VCPIP1: variants seen among roughly 807,000 people sequenced by gnomAD.
VCPIP1 encodes deubiquitinating protein VCPIP1.
In VCPIP1, 8 loss-of-function variants were observed where a neutral mutation model predicts 85.0. That is an observed-to-expected ratio of 0.09 (90% CI 0.06 to 0.17). The LOEUF is 0.17. Ranked by LOEUF, VCPIP1 falls within the 10% of genes least tolerant of loss-of-function variation. The pLI is 1.00. For missense variants in VCPIP1, 1,070 were observed against 1,486.3 expected (o/e 0.72, Z 4.61); for synonymous variants, 543 against 544.5 (o/e 1.00, Z 0.04).
chr8:66,659,969 T>C (rs915815227), intron 1 of VCPIP1, among the ~76,000 whole-genome samples: 3 of 152,296 alleles, frequency 2.0e-5, no homozygotes, highest in Admixed American at 2.0e-4. Flanking sequence ...ATTTGATTCT[T>C]AATCAAATGA....
In VCPIP1 at chr8:66,635,063, G is replaced by A. The variant is rs142699780; in HGVS notation, c.3107C>T (p.Ser1036Phe). 455 of 1,614,106 alleles carry A rather than the reference G, an allele frequency of 2.8e-4. No individual in the cohort carries two copies. Among genetic ancestry groups the A allele is most frequent in the Non-Finnish European group, 3.7e-4 (439 of 1,179,990 alleles). ...QGKGHSLGTA[S>F]GNPHLDPRAR... ...TCTTGGATCAAGGTGTGGGTTACCA[G>A]ATGCAGTTCCTAAAGAATGCCCTTT... Residue 1036 changes from serine to phenylalanine, a missense_variant, in exon 3 of 3, where the codon TCT (serine) becomes TTT (phenylalanine). By Grantham distance (155) the Ser-to-Phe change is radical (BLOSUM62 -2). This residue lies in a region of VCPIP1 where 255 missense variants were observed against 289.5 expected (regional missense o/e 0.88). Transcript: ENST00000310421.
At position 66,630,859 on chromosome 8, in the gene VCPIP1, A is replaced by C. The variant is rs1008598621; in HGVS notation, c.*3642T>G. 1 of 152,578 alleles carries C rather than the reference A, an allele frequency of 6.6e-6. No individual in the cohort carries two copies. The highest frequency in any genetic ancestry group is 1.5e-5 in the Non-Finnish European group (1 of 67,980). 9.5% of individuals were successfully genotyped at this position (152,578 alleles called of 1,614,324 possible). ...TAACTCTATAACTTACATGGGTGAT[A>C]TAGTTCCCCTTTGTTGTTTTATTTC... is the stretch of plus-strand genomic sequence containing the variant. On this transcript the variant is annotated 3_prime_UTR_variant, in exon 3 of 3. Coordinates refer to ENST00000310421, the MANE Select transcript of VCPIP1 (RefSeq NM_025054.5).
chr8:66,651,443 T>C lies in VCPIP1; in HGVS notation c.2797+15A>G, dbSNP rs1475086598. The C allele has an allele frequency of 6.3e-7, 1 of 1,578,710 alleles. No homozygotes were observed. Among genetic ancestry groups the C allele is most frequent in the African/African-American group, 1.4e-5 (1 of 73,574 alleles). ...GTAGAGCTATTATTTAAGAATAAAATCAAATTAACTATACCCATGGTTTTC... is the reference window on the plus strand; with the variant it reads ...GTAGAGCTATTATTTAAGAATAAAACCAAATTAACTATACCCATGGTTTTC... On this transcript the variant is annotated intron_variant, in intron 2 of 2. Transcript: ENST00000310421.
intron 2 of VCPIP1, among the ~76,000 whole-genome samples, chr8:66,637,691 C>T (rs1450638926): frequency 1.3e-5 from 2 of 151,876 alleles, no homozygotes; most frequent in African/African-American, 2.4e-5. Context: ...TACTTAGGGC[C>T]GGGCACGGTG....
chr8:66,651,610 T>G, intron 1 of VCPIP1, 66 bp from the exon 2 acceptor site: 3 of 1,345,256 alleles, frequency 2.2e-6, no homozygotes, highest in Non-Finnish European at 3.2e-6. Flanking sequence ...GCTGCTTTAG[T>G]AAGGATTAGC....
At chr8:66,640,577 C>T (rs1295521061) in intron 2 of VCPIP1, among the ~76,000 whole-genome samples, 1 of 152,200 alleles carries the variant, frequency 6.6e-6, no homozygotes, top group African/African-American at 2.4e-5. Flanking sequence ...GCTTTTTGGC[C>T]TGCCCTGCCC....
chr8:66,655,754 G>T (rs1303752086), intron 1 of VCPIP1, among the ~76,000 whole-genome samples: 1 of 152,002 alleles, frequency 6.6e-6, no homozygotes, highest in Non-Finnish European at 1.5e-5. Flanking sequence ...TAGAGAATAG[G>T]AACAGTTTGG....
Position 66,666,416 on chromosome 8 carries a change from G to A in VCPIP1, c.543C>T (p.Gly181=). The change falls in exon 1 of 3, where the codon GGC becomes GGT. Residue 181 remains glycine, a synonymous_variant. Coordinates refer to ENST00000310421, the MANE Select transcript of VCPIP1 (RefSeq NM_025054.5). This position sits in a 1 kb window ranked among gnomAD's most constrained non-coding sequence, Gnocchi z 6.3. ...EPEHVNTVGY[G]KDRSGSLLYL... Reference sequence around the variant, plus strand: ...ACAGGAGGCTTCCGGAGCGGTCCTTGCCATAGCCCACAGTGTTAACATGCT... The same window carrying A: ...ACAGGAGGCTTCCGGAGCGGTCCTTACCATAGCCCACAGTGTTAACATGCT... 1 of 1,614,098 alleles carries A rather than the reference G, an allele frequency of 6.2e-7. No homozygotes were observed. The highest frequency in any genetic ancestry group is 8.5e-7 in the Non-Finnish European group (1 of 1,180,018).
chr8:66,657,510 T>TA (rs1205782693), intron 1 of VCPIP1, among the ~76,000 whole-genome samples: 3 of 152,182 alleles, frequency 2.0e-5, no homozygotes, highest in South Asian at 2.1e-4. Flanking sequence ...AAATGGTTTA[T>TA]AAAAAAGGCA....
chr8:66,644,581 CTGA>C lies in VCPIP1; in HGVS notation c.2797+6874_2797+6876del, dbSNP rs1338626747. ...AAGGTATCTGTGAAAAACCTGCAAG[CTGA>C]ATGCTTCCAAGATATGGAAAAAGGA... is the stretch of plus-strand genomic sequence containing the variant. On this transcript the variant is annotated intron_variant, in intron 2 of 2. Coordinates refer to ENST00000310421, the MANE Select transcript of VCPIP1 (RefSeq NM_025054.5). Among the ~76,000 whole-genome samples the C allele has an allele frequency of 3.3e-5, 5 of 152,252 alleles. No individual in the cohort carries two copies. In the South Asian group the frequency reaches 1.0e-3, roughly 32 times the overall value.
chr8:66,639,858 G>GGAT (rs1045668491), intron 2 of VCPIP1, among the ~76,000 whole-genome samples: 28 of 152,012 alleles, frequency 1.8e-4, no homozygotes, highest in Admixed American at 5.2e-4. Context: ...TTTGACCACA[G>GGAT]GATGATGATG....
intron 1 of VCPIP1, among the ~76,000 whole-genome samples, chr8:66,661,519 A>G (rs1022412257): frequency 6.6e-5 from 10 of 152,010 alleles, no homozygotes; most frequent in Non-Finnish European, 1.3e-4. Flanking sequence ...GCGGTTCATG[A>G]GATCAGAAGA....
At chr8:66,648,713 C>G (rs1473900590) in intron 2 of VCPIP1, among the ~76,000 whole-genome samples, 1 of 152,090 alleles carries the variant, frequency 6.6e-6, no homozygotes, top group Non-Finnish European at 1.5e-5. Flanking sequence ...CACCACCACA[C>G]CCGGCTAATT....
At chr8:66,658,492 CT>C (rs200064471) in intron 1 of VCPIP1, among the ~76,000 whole-genome samples, 3,974 of 151,464 alleles carry the variant, frequency 0.026, 182 homozygotes, top group African/African-American at 0.09. Flanking sequence ...CTGGAAAATT[CT>C]TTTTTTCTTT....
chr8:66,661,136 G>A (rs1811152923), intron 1 of VCPIP1, among the ~76,000 whole-genome samples: 1 of 152,210 alleles, frequency 6.6e-6, no homozygotes, highest in Non-Finnish European at 1.5e-5. Flanking sequence ...TACAGGCTAT[G>A]CACTTAATAC....
chr8:66,657,199 C>G (rs1027684390), intron 1 of VCPIP1, among the ~76,000 whole-genome samples: 3 of 152,056 alleles, frequency 2.0e-5, no homozygotes, highest in African/African-American at 7.3e-5. Flanking sequence ...GCCACCATGC[C>G]CAGCCAAAAT....
chr8:66,641,123 T>A (rs1311675247), intron 2 of VCPIP1, among the ~76,000 whole-genome samples: 1 of 152,176 alleles, frequency 6.6e-6, no homozygotes, highest in East Asian at 1.9e-4. Flanking sequence ...GGCCCCTGTA[T>A]CTGCTGACCT....
chr8:66,636,936 AAT>A (rs1810893132), intron 2 of VCPIP1, among the ~76,000 whole-genome samples: 1 of 152,202 alleles, frequency 6.6e-6, no homozygotes, highest in Admixed American at 6.5e-5. Context: ...GCAGGAAACA[AAT>A]ATAAGTACTA....
chr8:66,629,580 GCTCA>G lies in VCPIP1; in HGVS notation c.*4917_*4920del, dbSNP rs1159713701. ...GAAATTTTGCTGGCAGGGTGCGGTGGCTCACGCCTGTAATCCCAGCACTTAAAGA... is the reference window on the plus strand; with the variant it reads ...GAAATTTTGCTGGCAGGGTGCGGTGGCGCCTGTAATCCCAGCACTTAAAGA... On this transcript the variant is annotated 3_prime_UTR_variant, in exon 3 of 3. Coordinates refer to ENST00000310421, the MANE Select transcript of VCPIP1 (RefSeq NM_025054.5). 2.0e-5 allele frequency: 3 copies of G among 152,186 alleles called. No individual in the cohort carries two copies. In the East Asian group the frequency reaches 5.8e-4, roughly 29 times the overall value. 9.4% of individuals were successfully genotyped at this position (152,186 alleles called of 1,614,324 possible).
Sources: gnomAD v4.1 joint callset for allele counts (sites outside exome capture counted in the v4.1 genomes callset) on GRCh38, gnomAD v4.1.1 for gene constraint, gnomAD v4.1.1 regional missense constraint, Gnocchi (gnomAD v3.1) non-coding constraint, MANE v1.5 for transcripts, NCBI Gene and HGNC (gene_info 2026-07-23, HGNC 2026-07-21) for gene names.